EYS: variants seen among roughly 807,000 people sequenced by gnomAD.
The protein encoded by EYS is protein eyes shut homolog.
In EYS, 250 loss-of-function variants were observed where a neutral mutation model predicts 282.1. That is an observed-to-expected ratio of 0.89 (90% CI 0.80 to 0.98). The LOEUF is 0.98. EYS is among the 50% of genes least tolerant of loss of function. The pLI is 0.00. For missense variants in EYS, 4,016 were observed against 3,709.0 expected (o/e 1.08, Z -2.15); for synonymous variants, 1,355 against 1,282.9 (o/e 1.06, Z -1.20).
intron 11 of EYS, among the ~76,000 whole-genome samples, chr6:65,310,810 G>A (rs1321840403): frequency 1.3e-5 from 2 of 151,992 alleles, no homozygotes; most frequent in African/African-American, 4.8e-5. Context: ...CACTTCAAAT[G>A]GGTTTTCACC....
rs979156982 is a variant in EYS, at chr6:65,402,551, G to T, written c.1111C>A (p.Gln371Lys). ...AAAGGAAATGACTCACATGATGTTTGAATGCTCTTACAAAGCAAATCTGTA... is the reference window on the plus strand; with the variant it reads ...AAAGGAAATGACTCACATGATGTTTTAATGCTCTTACAAAGCAAATCTGTA... ...IFTDLLCKSI[Q>K]TSCESFPLRN... The change falls in exon 7 of 43, where the codon CAA (glutamine) becomes AAA (lysine). Residue 371 changes from glutamine to lysine, a missense_variant. Physicochemically the swap from Gln to Lys is moderately conservative, Grantham distance 53 (BLOSUM62 1). Transcript: ENST00000503581. 36 of 1,573,158 alleles carry T rather than the reference G, an allele frequency of 2.3e-5. No individual in the cohort carries two copies. Among genetic ancestry groups the T allele is most frequent in the African/African-American group, 4.1e-5 (3 of 73,936 alleles).
chr6:64,251,952 G>T (rs925849667), intron 30 of EYS, among the ~76,000 whole-genome samples: 62 of 152,070 alleles, frequency 4.1e-4, no homozygotes, highest in Non-Finnish European at 2.6e-4. Flanking sequence ...AGGTGGAAAA[G>T]GTTATTCTAG....
Position 64,590,927 on chromosome 6 carries a change from T to G in EYS, c.4940A>C (p.Glu1647Ala). The G allele has an allele frequency of 6.4e-7, 1 of 1,550,726 alleles. No homozygotes were observed. The highest frequency in any genetic ancestry group is 1.7e-4 in the Middle Eastern group (1 of 5,990). The change falls in exon 26 of 43, where the codon GAA becomes GCA. Residue 1647 changes from glutamate to alanine, a missense_variant. Glu to Ala is a moderately radical substitution (Grantham distance 107). Transcript: ENST00000503581. The part of the protein sequence containing the change: ...KRTILSSSLE[E>A]SITLSSNLDV... The stretch of plus-strand genomic sequence containing the variant: ...CAAATTACTTGATAGGGTAATGGAT[T>G]CTTCCAAGGATGAGGATAAAATTGT...
chr6:64,022,309 A>G (rs1018378620), intron 33 of EYS, among the ~76,000 whole-genome samples: 7 of 152,206 alleles, frequency 4.6e-5, no homozygotes, highest in African/African-American at 1.4e-4. Context: ...GACACACAAT[A>G]TAATATTTTC....
At chr6:64,969,087 C>T (rs995347478) in intron 14 of EYS, among the ~76,000 whole-genome samples, 5 of 150,692 alleles carry the variant, frequency 3.3e-5, no homozygotes, top group Middle Eastern at 3.4e-3. Context: ...CAACTCCTTG[C>T]GTGAAAAAAA....
At chr6:65,060,183 A>T (rs915582875) in intron 12 of EYS, among the ~76,000 whole-genome samples, 1 of 151,864 alleles carries the variant, frequency 6.6e-6, no homozygotes, top group Non-Finnish European at 1.5e-5. Flanking sequence ...TAAAGAATTT[A>T]TGATCTTAGA....
intron 14 of EYS, among the ~76,000 whole-genome samples, chr6:64,994,820 ATAC>A (rs1373185104): frequency 6.6e-6 from 1 of 152,080 alleles, no homozygotes; most frequent in African/African-American, 2.4e-5. Context: ...TTCCAATAGT[ATAC>A]TATTTATTCA....
chr6:65,387,371 A>G (rs1200771598), intron 7 of EYS, among the ~76,000 whole-genome samples: 1 of 152,026 alleles, frequency 6.6e-6, no homozygotes, highest in African/African-American at 2.4e-5. Context: ...ACTGCTATTT[A>G]TTTTTAAAGT....
intron 26 of EYS, among the ~76,000 whole-genome samples, chr6:64,580,649 C>G (rs1766032291): frequency 6.6e-6 from 1 of 152,002 alleles, no homozygotes; most frequent in Admixed American, 6.6e-5. Flanking sequence ...AAAAGAATAA[C>G]TCTTGTAAAT....
chr6:64,298,834 GA>G (rs544537558), intron 30 of EYS, among the ~76,000 whole-genome samples: 1 of 151,994 alleles, frequency 6.6e-6, no homozygotes, highest in East Asian at 1.9e-4. Flanking sequence ...TGAAAGGATG[GA>G]AAAAAATAAA....
chr6:64,804,627 C>T (rs1156788963), intron 22 of EYS, among the ~76,000 whole-genome samples: 1 of 151,944 alleles, frequency 6.6e-6, no homozygotes, highest in Non-Finnish European at 1.5e-5. Flanking sequence ...TCCTATGGAT[C>T]GTATATGCGC....
chr6:64,939,368 C>A (rs1020271717), intron 15 of EYS, among the ~76,000 whole-genome samples: 6 of 151,690 alleles, frequency 4.0e-5, no homozygotes, highest in Non-Finnish European at 5.9e-5. Flanking sequence ...ATTTAGGTAA[C>A]AAAATCTCCT....
chr6:64,245,248 C>A (rs1303053154), intron 30 of EYS, among the ~76,000 whole-genome samples: 1 of 152,058 alleles, frequency 6.6e-6, no homozygotes, highest in African/African-American at 2.4e-5. Context: ...GAGTTCATGT[C>A]TATTTGGTAT....
intron 16 of EYS, among the ~76,000 whole-genome samples, chr6:64,903,733 A>G (rs529930243): frequency 1.3e-5 from 2 of 152,230 alleles, no homozygotes; most frequent in South Asian, 4.1e-4. Flanking sequence ...AGAACACGGA[A>G]TTGACTGACC....
chr6:65,620,286 G>A (rs1766421205), intron 2 of EYS, among the ~76,000 whole-genome samples: 1 of 152,042 alleles, frequency 6.6e-6, no homozygotes, highest in South Asian at 2.1e-4. Flanking sequence ...GTCTTGGGAG[G>A]GTGTATGTGT....
intron 19 of EYS, among the ~76,000 whole-genome samples, chr6:64,879,700 T>C (rs1480648275): frequency 6.6e-6 from 1 of 152,084 alleles, no homozygotes; most frequent in Admixed American, 6.6e-5. Context: ...AGAGGAATAT[T>C]GATATATTTA....
At chr6:64,085,738 C>A (rs541372694) in intron 31 of EYS, among the ~76,000 whole-genome samples, 26 of 152,256 alleles carry the variant, frequency 1.7e-4, no homozygotes, top group South Asian at 6.2e-4. Context: ...ATAAACAATA[C>A]AACTTAACTA....
At chr6:64,880,443 T>A (rs1435476336) in intron 19 of EYS, among the ~76,000 whole-genome samples, 1 of 151,844 alleles carries the variant, frequency 6.6e-6, no homozygotes, top group African/African-American at 2.4e-5. Context: ...TATCAGTTAG[T>A]AAGGAACTAT....
chr6:63,833,481 A>G (rs1771705984), intron 36 of EYS, among the ~76,000 whole-genome samples: 1 of 152,142 alleles, frequency 6.6e-6, no homozygotes, highest in Non-Finnish European at 1.5e-5. Context: ...AAAATAAAAT[A>G]CCTAGGAATC....
Sources: allele counts gnomAD v4.1 joint callset (sites outside exome capture counted in the v4.1 genomes callset), GRCh38; gene constraint gnomAD v4.1.1; transcripts MANE v1.5; gene names NCBI Gene and HGNC (gene_info 2026-07-23, HGNC 2026-07-21).